The following VPS52 variants were observed in gnomAD, a reference collection of about 807,000 sequenced individuals.
The protein encoded by VPS52 is VPS52 subunit of GARP complex, also known as vacuolar protein sorting-associated protein 52 homolog.
VPS52 carries 56 observed loss-of-function variants against 98.7 expected under a neutral mutation model. That is an observed-to-expected ratio of 0.57 (90% CI 0.46 to 0.71). The LOEUF is 0.71. Among genes scored for constraint, VPS52 ranks in the 30% least tolerant of loss-of-function variants. VPS52 has a pLI of 0.00. For synonymous variants in VPS52, 348 were observed against 346.4 expected (o/e 1.00, Z -0.05); for missense variants, 742 against 925.9 (o/e 0.80, Z 2.58).
chr6:33,262,643 G>C (rs1326511460), intron 17 of VPS52, among the ~76,000 whole-genome samples: 2 of 152,090 alleles, frequency 1.3e-5, no homozygotes, highest in Non-Finnish European at 2.9e-5. Flanking sequence ...CAGATGAATG[G>C]GTAAAGAAAA....
Position 33,269,977 on chromosome 6 carries a change from T to C in VPS52, c.228+22A>G, listed in dbSNP as rs1388236002. The C allele has an allele frequency of 1.2e-5, 19 of 1,613,960 alleles. No homozygotes were observed. In the African/African-American group the frequency reaches 2.1e-4, roughly 18 times the overall value. ...GGGGTAGAATAGATAGAAGGGCAGA[T>C]TAGTACAGGGGAAAGCCTCACCGTT... is the stretch of plus-strand genomic sequence containing the variant. On this transcript the variant is annotated intron_variant, in intron 3 of 19. Coordinates refer to ENST00000445902, the MANE Select transcript of VPS52 (RefSeq NM_022553.6).
chr6:33,260,870 A>G (rs1481127961), intron 17 of VPS52, among the ~76,000 whole-genome samples: 4 of 152,068 alleles, frequency 2.6e-5, no homozygotes, highest in African/African-American at 9.7e-5. Flanking sequence ...ACATGGTGGC[A>G]CGTGCCTGCA....
In VPS52 at chr6:33,268,925, A is replaced by G. The variant is rs960225400; in HGVS notation, c.548+89T>C. 7 of 1,515,398 alleles carry G rather than the reference A, an allele frequency of 4.6e-6. No homozygotes were observed. The Admixed American group carries it at 6.3e-5, about 14-fold the overall frequency. The allele number at this position is 1,515,398 out of a possible 1,614,324, so 93.9% of individuals were successfully genotyped here. A position where few individuals can be genotyped will look rare whatever the true frequency, so the allele number is the denominator to read the frequency against. Reference sequence around the variant, plus strand: ...AATTTCTAAAAAGCACTTAACCTGGAGCCAGGAGACCCATATGGTAAATAG... The same window carrying G: ...AATTTCTAAAAAGCACTTAACCTGGGGCCAGGAGACCCATATGGTAAATAG... On this transcript the variant is annotated intron_variant, in intron 6 of 19. Transcript: ENST00000445902. The surrounding 1 kb of genome is among the most constrained non-coding windows in gnomAD (Gnocchi z 4.0).
intron 17 of VPS52, among the ~76,000 whole-genome samples, chr6:33,254,308 G>T (rs1162134405): frequency 1.3e-5 from 2 of 151,916 alleles, no homozygotes; most frequent in Non-Finnish European, 2.9e-5. Flanking sequence ...AATAAAAATT[G>T]TATCTTTTCT....
At chr6:33,260,498 T>G (rs1186573293) in intron 17 of VPS52, among the ~76,000 whole-genome samples, 2 of 152,172 alleles carry the variant, frequency 1.3e-5, no homozygotes, top group Admixed American at 6.6e-5. Flanking sequence ...ACAATCCAAG[T>G]AGCAGCAGCT....
At chr6:33,256,523 A>G (rs1038011936) in intron 17 of VPS52, among the ~76,000 whole-genome samples, 16 of 147,690 alleles carry the variant, frequency 1.1e-4, no homozygotes, top group African/African-American at 2.2e-4. Context: ...GCCCATGATC[A>G]TGATCATGGA....
intron 17 of VPS52, among the ~76,000 whole-genome samples, chr6:33,256,639 G>C (rs529195965): frequency 1.3e-5 from 2 of 151,262 alleles, no homozygotes; most frequent in Admixed American, 1.3e-4. Context: ...AAAACTTTTC[G>C]AGACCAGCCT....
rs184507945 is a variant in VPS52 at position 33,250,396 on chromosome 6, A to G, written c.*445T>C. 1.6e-3 allele frequency: 254 copies of G among 161,946 alleles called. No homozygotes were observed. The highest frequency in any genetic ancestry group is 5.8e-3 in the African/African-American group (244 of 41,910). The allele number at this position is 161,946 out of a possible 1,614,324, so 10.0% of individuals were successfully genotyped here. A position where few individuals can be genotyped will look rare whatever the true frequency, so the allele number is the denominator to read the frequency against. On this transcript the variant is annotated 3_prime_UTR_variant, in exon 20 of 20. Coordinates refer to ENST00000445902, the MANE Select transcript of VPS52 (RefSeq NM_022553.6). Reference sequence around the variant, plus strand: ...TTAGGTCAAAAAGCTACAGAAAAGAAATCACTTTGAAAAACACAATGACTC... The same window carrying G: ...TTAGGTCAAAAAGCTACAGAAAAGAGATCACTTTGAAAAACACAATGACTC...
intron 1 of VPS52, 94 bp from the exon 2 acceptor site, chr6:33,270,377 C>A: frequency 8.6e-7 from 1 of 1,157,794 alleles, no homozygotes; most frequent in Non-Finnish European, 1.2e-6. Flanking sequence ...TGAGAAGGAG[C>A]TGCTTTTACT....
intron 12 of VPS52, 38 bp from the exon 13 acceptor site, chr6:33,264,938 A>G: frequency 6.4e-7 from 1 of 1,553,154 alleles, no homozygotes; most frequent in Non-Finnish European, 8.9e-7. Context: ...TTAAAAGAGA[A>G]TGTCAGTTTG....
At chr6:33,266,757 C>A in intron 11 of VPS52, 45 bp from the exon 12 acceptor site, 2 of 1,562,224 alleles carry the variant, frequency 1.3e-6, no homozygotes, top group Non-Finnish European at 1.7e-6. Context: ...GGATGGACCC[C>A]AACACTGACT....
chr6:33,267,768 C>T lies in VPS52; in HGVS notation c.934-29G>A. 6.2e-7 allele frequency: 1 copy of T among 1,612,942 alleles called. No individual in the cohort carries two copies. The highest frequency in any genetic ancestry group is 8.5e-7 in the Non-Finnish European group (1 of 1,179,962). ...AGGAAAGAGAAAAGAGAACTGATAA[C>T]CGTCTCTTCCCACAACACAATAAAA... is the stretch of plus-strand genomic sequence containing the variant. On this transcript the variant is annotated intron_variant, in intron 9 of 19. Transcript: ENST00000445902. This position sits in a 1 kb window ranked among gnomAD's most constrained non-coding sequence, Gnocchi z 4.2.
rs1764103211 is a variant in VPS52, at chr6:33,264,831, G to C, written c.1351C>G (p.Leu451Val). Residue 451 changes from leucine (L) to valine (V), a missense_variant, in exon 13 of 20, where the codon CTC (leucine) becomes GTC (valine). Coordinates refer to ENST00000445902, the MANE Select transcript of VPS52 (RefSeq NM_022553.6). ...IAVFLCIHIVLRFRNIAAKRD... is the reference protein window; with the variant it reads ...IAVFLCIHIVVRFRNIAAKRD... ...TTTGCTGCAATGTTACGGAACCGGA[G>C]AACAATGTGGATACAGAGAAAAACA... The C allele has an allele frequency of 6.2e-7, 1 of 1,613,124 alleles. No individual in the cohort carries two copies. Among genetic ancestry groups the C allele is most frequent in the Non-Finnish European group, 8.5e-7 (1 of 1,180,032 alleles).
In VPS52 at chr6:33,266,699, G is replaced by T; in HGVS notation, c.1139C>A (p.Ala380Asp). The T allele has an allele frequency of 6.2e-7, 1 of 1,610,118 alleles. No homozygotes were observed. Among genetic ancestry groups the T allele is most frequent in the Non-Finnish European group, 8.5e-7 (1 of 1,178,480 alleles). The stretch of plus-strand genomic sequence containing the variant: ...GGCGTAGTGCTGGCTGCGGAAGAGG[G>T]CCTCAAATGGATACTGGGAGAGGAG... ...QRGEQRYPFE[A>D]LFRSQHYALL... Residue 380 changes from alanine (A) to aspartate (D), a missense_variant, in exon 12 of 20, where the codon GCC (alanine) becomes GAC (aspartate). Ala to Asp is a moderately radical substitution (Grantham distance 126). Coordinates refer to ENST00000445902, the MANE Select transcript of VPS52 (RefSeq NM_022553.6).
In VPS52 at chr6:33,271,653, G is replaced by T. The variant is rs777731049; in HGVS notation, c.23C>A (p.Ala8Glu). 15 of 1,609,920 alleles carry T rather than the reference G, an allele frequency of 9.3e-6. No individual in the cohort carries two copies. Among genetic ancestry groups the T allele is most frequent in the Non-Finnish European group, 1.3e-5 (15 of 1,177,744 alleles). Residue 8 changes from alanine to glutamate, a missense_variant, in exon 1 of 20, where the codon GCG becomes GAG. Ala to Glu is a moderately radical substitution (Grantham distance 107). Transcript: ENST00000445902. Reference sequence around the variant, plus strand: ...CAACACCAGTTCCCGGGCCGCAGCCGCCATGGTCGCAGCGGCGGCCATTCC... The same window carrying T: ...CAACACCAGTTCCCGGGCCGCAGCCTCCATGGTCGCAGCGGCGGCCATTCC... MAAAATM[A>E]AAARELVLRA...
At chr6:33,265,073 CTTT>C (rs760373159) in intron 12 of VPS52, among the ~76,000 whole-genome samples, 173 bp from the exon 13 acceptor site, 1 of 151,186 alleles carries the variant, frequency 6.6e-6, no homozygotes, top group South Asian at 2.1e-4. Flanking sequence ...ATGTTTTTGG[CTTT>C]TTTTTTGTTT....
In VPS52 at chr6:33,264,107, GGAGA is replaced by G. The variant is rs763069543; in HGVS notation, c.1525-8_1525-5del. 2 of 1,613,518 alleles carry G rather than the reference GGAGA, an allele frequency of 1.2e-6. No homozygotes were observed. Among genetic ancestry groups the G allele is most frequent in the East Asian group, 4.5e-5 (2 of 44,892 alleles). On this transcript the variant is annotated splice_polypyrimidine_tract_variant and splice_region_variant and intron_variant, in intron 14 of 19. Coordinates refer to ENST00000445902, the MANE Select transcript of VPS52 (RefSeq NM_022553.6). ...ACTCTGCATAGCGGCGTGTGATCTA[GGAGA>G]GAGTGGGAAGGAAAATCACACCCAC...
At position 33,256,463 on chromosome 6, in the gene VPS52, C is replaced by CAAAAAAAAAAAAAAAAAAAA. The variant is rs9280385; in HGVS notation, c.1795-4512_1795-4493dup. ...CTGAGTGACAGAGCAAAACCTGTCT[C>CAAAAAAAAAAAAAAAAAAAA]AAAAAAAAAAAAAAAAAAAAAAAAA... On this transcript the variant is annotated intron_variant, in intron 17 of 19. Coordinates refer to ENST00000445902, the MANE Select transcript of VPS52 (RefSeq NM_022553.6). 1.2e-4 allele frequency among the ~76,000 whole-genome samples: 10 copies of CAAAAAAAAAAAAAAAAAAAA among 83,744 alleles called. 1 individual carries two copies. Among genetic ancestry groups the CAAAAAAAAAAAAAAAAAAAA allele is most frequent in the Non-Finnish European group, 1.2e-4 (5 of 43,374 alleles). 54.9% of individuals were successfully genotyped at this position (83,744 alleles called of 152,430 possible).
chr6:33,266,843 C>A, intron 11 of VPS52, 131 bp from the exon 12 acceptor site: 1 of 1,239,016 alleles, frequency 8.1e-7, no homozygotes, highest in Non-Finnish European at 1.1e-6. Flanking sequence ...TATCTAGGTC[C>A]GGGCTGTCTA....
Sources: gnomAD v4.1 joint callset for allele counts (sites outside exome capture counted in the v4.1 genomes callset) on GRCh38, gnomAD v4.1.1 for gene constraint, Gnocchi (gnomAD v3.1) non-coding constraint, MANE v1.5 for transcripts, NCBI Gene and HGNC (gene_info 2026-07-23, HGNC 2026-07-21) for gene names.